Variants in FBXO22 observed in about 807,000 individuals in gnomAD.
The protein encoded by FBXO22 is F-box only protein 22.
In FBXO22, 13 loss-of-function variants were observed where a neutral mutation model predicts 37.2. The observed-to-expected ratio is 0.35, with a 90% CI of 0.23 to 0.56. The LOEUF is 0.56. Among genes scored for constraint, FBXO22 ranks in the 20% least tolerant of loss-of-function variants. The pLI, the probability that FBXO22 is intolerant of heterozygous loss-of-function variation, is 0.87. For synonymous variants in FBXO22, 189 were observed against 189.1 expected (o/e 1.00, Z 0.00); for missense variants, 446 against 509.9 (o/e 0.87, Z 1.21).
chr15:75,932,997 CACTGGGA>C lies in FBXO22; in HGVS notation c.1111_1117del (p.Gly371LeufsTer3), dbSNP rs1183231820. 2 of 1,614,032 alleles carry C rather than the reference CACTGGGA, an allele frequency of 1.2e-6. No individual in the cohort carries two copies. Among genetic ancestry groups the C allele is most frequent in the Non-Finnish European group, 1.7e-6 (2 of 1,180,044 alleles). On this transcript the variant is annotated frameshift_variant, in exon 7 of 7. Coordinates refer to ENST00000308275, the MANE Select transcript of FBXO22 (RefSeq NM_147188.3). LOFTEE classifies it high-confidence loss of function. ...GAGAAATTGGATGTGATCGGATAGT[CACTGGGA>C]ACTTTATATTGAGGAAATGTAATGA...
Position 75,938,291 on chromosome 15 carries a change from AAAAC to A in FBXO22, c.*5192_*5195del, listed in dbSNP as rs2030580795. 1.3e-5 allele frequency: 2 copies of A among 152,334 alleles called. No homozygotes were observed. The highest frequency in any genetic ancestry group is 4.1e-4 in the South Asian group (2 of 4,828). 9.4% of individuals were successfully genotyped at this position (152,334 alleles called of 1,614,324 possible). A position where few individuals can be genotyped will look rare whatever the true frequency, so the allele number is the denominator to read the frequency against. ...ATGGATGACAGCTTTTAAAAATAAA[AAAAC>A]AATGAACCAGAAAACCGTGGGGAAA... On this transcript the variant is annotated 3_prime_UTR_variant, in exon 7 of 7. Coordinates refer to ENST00000308275, the MANE Select transcript of FBXO22 (RefSeq NM_147188.3).
intron 5 of FBXO22, among the ~76,000 whole-genome samples, chr15:75,922,531 A>G (rs956065923): frequency 6.6e-6 from 1 of 152,238 alleles, no homozygotes; most frequent in African/African-American, 2.4e-5. Context: ...GCACAGAGCC[A>G]GGAAATCCCA....
At chr15:75,905,408 C>T (rs1220182749) in intron 2 of FBXO22, among the ~76,000 whole-genome samples, 1 of 152,188 alleles carries the variant, frequency 6.6e-6, no homozygotes, top group African/African-American at 2.4e-5. Context: ...AGAGGGGCTG[C>T]AGGGTGTACC....
In FBXO22 at chr15:75,936,423, A is replaced by C. The variant is rs766915590; in HGVS notation, c.*3321A>C. 1.3e-5 allele frequency: 2 copies of C among 152,222 alleles called. No individual in the cohort carries two copies. Among genetic ancestry groups the C allele is most frequent in the Non-Finnish European group, 2.9e-5 (2 of 68,038 alleles). 9.4% of individuals were successfully genotyped at this position (152,222 alleles called of 1,614,324 possible). A position where few individuals can be genotyped will look rare whatever the true frequency, so the allele number is the denominator to read the frequency against. On this transcript the variant is annotated 3_prime_UTR_variant, in exon 7 of 7. Coordinates refer to ENST00000308275, the MANE Select transcript of FBXO22 (RefSeq NM_147188.3). ...ACTTTAATATTGACCCTATATAGGG[A>C]AGAATAATCAAATATTTGCAAAATA...
intron 6 of FBXO22, among the ~76,000 whole-genome samples, chr15:75,931,671 C>G (rs1414676685): frequency 2.6e-5 from 4 of 152,144 alleles, no homozygotes; most frequent in African/African-American, 9.7e-5. Flanking sequence ...TGATACAATA[C>G]TTGTTTATCC....
intron 4 of FBXO22, among the ~76,000 whole-genome samples, chr15:75,916,982 A>C (rs1479146144): frequency 6.6e-6 from 1 of 152,172 alleles, no homozygotes; most frequent in Non-Finnish European, 1.5e-5. Flanking sequence ...TATACCCTTT[A>C]TCTAGTTTAG....
chr15:75,913,023 C>A (rs1390541868), intron 2 of FBXO22, among the ~76,000 whole-genome samples, 180 bp from the exon 3 acceptor site: 2 of 152,080 alleles, frequency 1.3e-5, no homozygotes, highest in Non-Finnish European at 2.9e-5. Context: ...TTGTTATTTG[C>A]CCAGTAGTCA....
At chr15:75,923,662 A>T (rs1050849632) in intron 5 of FBXO22, among the ~76,000 whole-genome samples, 1 of 152,242 alleles carries the variant, frequency 6.6e-6, no homozygotes, top group Non-Finnish European at 1.5e-5. Context: ...ACAAGAGTGG[A>T]TGCAGGATTA....
intron 2 of FBXO22, among the ~76,000 whole-genome samples, chr15:75,907,032 CT>C (rs1209498128): frequency 2.6e-5 from 4 of 151,834 alleles, no homozygotes; most frequent in Admixed American, 6.6e-5. Flanking sequence ...AAAATGTTAG[CT>C]TTTTTTTCCA....
In FBXO22 at chr15:75,904,011, C is replaced by G. The variant is rs769871187; in HGVS notation, c.48C>G (p.Asp16Glu). The change falls in exon 1 of 7, where the codon GAC becomes GAG. Residue 16 changes from aspartate to glutamate, a missense_variant. By Grantham distance (45) the Asp-to-Glu change is conservative. Transcript: ENST00000308275. ...CCGECRGSSV[D>E]PRSTFVLSNL... is the part of the protein sequence containing the mutation. ...GCGAGTGCCGCGGCTCCTCCGTAGA[C>G]CCGCGGAGCACCTTCGTGTTGAGTA... 3 of 1,580,556 alleles carry G rather than the reference C, an allele frequency of 1.9e-6. No individual in the cohort carries two copies. Among genetic ancestry groups the G allele is most frequent in the African/African-American group, 1.3e-5 (1 of 74,642 alleles).
rs534577597 is a variant in FBXO22 at position 75,936,120 on chromosome 15, A to C, written c.*3018A>C. 6.6e-6 allele frequency: 1 copy of C among 152,190 alleles called. No homozygotes were observed. The highest frequency in any genetic ancestry group is 1.5e-5 in the Non-Finnish European group (1 of 68,044). 9.4% of individuals were successfully genotyped at this position (152,190 alleles called of 1,614,324 possible). A position where few individuals can be genotyped will look rare whatever the true frequency, so the allele number is the denominator to read the frequency against. On this transcript the variant is annotated 3_prime_UTR_variant, in exon 7 of 7. Coordinates refer to ENST00000308275, the MANE Select transcript of FBXO22 (RefSeq NM_147188.3). ...GAGAACTTTCTATGCAATCTGCAGA[A>C]ATTTTTAAGAATATAAATATGCTTT...
In FBXO22 at chr15:75,937,964, C is replaced by CAGTT. The variant is rs1178707140; in HGVS notation, c.*4864_*4867dup. On this transcript the variant is annotated 3_prime_UTR_variant, in exon 7 of 7. Transcript: ENST00000308275. The stretch of plus-strand genomic sequence containing the variant: ...GGGTAAGACTTTGGGAAATTAAGAA[C>CAGTT]AGTTACATATACAGGGGGGATTTAA... The CAGTT allele has an allele frequency of 6.6e-6, 1 of 152,184 alleles. No homozygotes were observed. The highest frequency in any genetic ancestry group is 1.5e-5 in the Non-Finnish European group (1 of 68,046). The allele number at this position is 152,184 out of a possible 1,614,324, so 9.4% of individuals were successfully genotyped here.
intron 3 of FBXO22, 142 bp downstream of exon 3, chr15:75,913,432 A>G (rs1330084929): frequency 1.1e-5 from 6 of 545,892 alleles, no homozygotes; most frequent in Non-Finnish European, 1.6e-5. Context: ...CAATATATCT[A>G]TCTTTGAACC....
At chr15:75,912,909 T>C (rs555433907) in intron 2 of FBXO22, among the ~76,000 whole-genome samples, 1 of 152,360 alleles carries the variant, frequency 6.6e-6, no homozygotes, top group East Asian at 1.9e-4. Context: ...TTTAGTGCTA[T>C]AAATTTCCCT....
Position 75,942,466 on chromosome 15 carries a change from A to C in FBXO22, c.*9364A>C, listed in dbSNP as rs187149284. On this transcript the variant is annotated 3_prime_UTR_variant, in exon 7 of 7. Transcript: ENST00000308275. Reference sequence around the variant, plus strand: ...TAGGGGAACTCTATACTATCTGCTCAGTTTTTCTGAAAATCTAAAACTTCT... The same window carrying C: ...TAGGGGAACTCTATACTATCTGCTCCGTTTTTCTGAAAATCTAAAACTTCT... 6.6e-6 allele frequency: 1 copy of C among 152,210 alleles called. No homozygotes were observed. Among genetic ancestry groups the C allele is most frequent in the Non-Finnish European group, 1.5e-5 (1 of 68,040 alleles). 9.4% of individuals were successfully genotyped at this position (152,210 alleles called of 1,614,324 possible).
chr15:75,941,136 A>C lies in FBXO22; in HGVS notation c.*8034A>C, dbSNP rs1311847984. 1 of 152,198 alleles carries C rather than the reference A, an allele frequency of 6.6e-6. No individual in the cohort carries two copies. The highest frequency in any genetic ancestry group is 1.5e-5 in the Non-Finnish European group (1 of 67,994). The allele number at this position is 152,198 out of a possible 1,614,324, so 9.4% of individuals were successfully genotyped here. On this transcript the variant is annotated 3_prime_UTR_variant, in exon 7 of 7. Transcript: ENST00000308275. ...AAAAAATGGCAAAGGATTTGGATAG[A>C]TCTCCAGAGAGGACATGCAGATAGC...
At position 75,938,412 on chromosome 15, in the gene FBXO22, AAAT is replaced by A. The variant is rs1469863078; in HGVS notation, c.*5314_*5316del. On this transcript the variant is annotated 3_prime_UTR_variant, in exon 7 of 7. Transcript: ENST00000308275. ...TCACAAACCATACAAAGGAACAGGA[AAAT>A]AATGCGCATTCAAAAGATCAAAATT... is the stretch of plus-strand genomic sequence containing the variant. 1.3e-5 allele frequency: 2 copies of A among 152,204 alleles called. No individual in the cohort carries two copies. Among genetic ancestry groups the A allele is most frequent in the Non-Finnish European group, 2.9e-5 (2 of 68,028 alleles). The allele number at this position is 152,204 out of a possible 1,614,324, so 9.4% of individuals were successfully genotyped here.
rs986705455 is a variant in FBXO22, at chr15:75,938,904, G to A, written c.*5802G>A. The A allele has an allele frequency of 6.6e-6, 1 of 151,992 alleles. No homozygotes were observed. The highest frequency in any genetic ancestry group is 1.5e-5 in the Non-Finnish European group (1 of 67,980). The allele number at this position is 151,992 out of a possible 1,614,324, so 9.4% of individuals were successfully genotyped here. A position where few individuals can be genotyped will look rare whatever the true frequency, so the allele number is the denominator to read the frequency against. On this transcript the variant is annotated 3_prime_UTR_variant, in exon 7 of 7. Transcript: ENST00000308275. ...ATGGGTCAAAGAAGAAATCACAAGG[G>A]AAATTAAAAAGAGAAAAATGCAACA...
Position 75,904,485 on chromosome 15 carries a change from C to T in FBXO22, c.141-6C>T, listed in dbSNP as rs761667976. On this transcript the variant is annotated splice_polypyrimidine_tract_variant and splice_region_variant and intron_variant, in intron 1 of 6. Coordinates refer to ENST00000308275, the MANE Select transcript of FBXO22 (RefSeq NM_147188.3). ...TTCGCAATCCTTTGTGCGTTTGCGT[C>T]CTCAGCGTGTGCCGCTTATGGAGGG... 1.1e-5 allele frequency: 18 copies of T among 1,613,706 alleles called. No homozygotes were observed. Among genetic ancestry groups the T allele is most frequent in the Admixed American group, 8.3e-5 (5 of 59,986 alleles).
Sources: gnomAD v4.1 joint callset for allele counts (sites outside exome capture counted in the v4.1 genomes callset) on GRCh38, gnomAD v4.1.1 for gene constraint, MANE v1.5 for transcripts, NCBI Gene and HGNC (gene_info 2026-07-23, HGNC 2026-07-21) for gene names.